SPOCK3: variants seen among roughly 807,000 people sequenced by gnomAD.
The protein encoded by SPOCK3 is testican-3.
In SPOCK3, 30 loss-of-function variants were observed where a neutral mutation model predicts 56.6. That is an observed-to-expected ratio of 0.53 (90% CI 0.40 to 0.72). The LOEUF is 0.72. SPOCK3 is among the 30% of genes least tolerant of loss of function. The pLI, the probability that SPOCK3 is intolerant of heterozygous loss-of-function variation, is 0.00. For synonymous variants in SPOCK3, 196 were observed against 183.3 expected (o/e 1.07, Z -0.56); for missense variants, 527 against 530.0 (o/e 0.99, Z 0.06).
At chr4:166,773,314 G>T (rs1258531383) in intron 7 of SPOCK3, among the ~76,000 whole-genome samples, 1 of 152,124 alleles carries the variant, frequency 6.6e-6, no homozygotes, top group African/African-American at 2.4e-5. Context: ...TGTTGCAAAA[G>T]TCAAGTAATT....
intron 9 of SPOCK3, 66 bp from the exon 10 acceptor site, chr4:166,737,670 C>A: frequency 2.7e-6 from 4 of 1,505,898 alleles, no homozygotes; most frequent in Non-Finnish European, 3.6e-6. Context: ...GTGCTCCTTT[C>A]TGAGAAGCAC....
intron 4 of SPOCK3, among the ~76,000 whole-genome samples, chr4:166,926,241 G>A (rs1214346339): frequency 6.6e-6 from 1 of 152,040 alleles, no homozygotes; most frequent in Non-Finnish European, 1.5e-5. Context: ...TATAGAACAT[G>A]AGAAAAAATT....
At chr4:166,741,735 A>T (rs1002892807) in intron 9 of SPOCK3, among the ~76,000 whole-genome samples, 12 of 152,208 alleles carry the variant, frequency 7.9e-5, no homozygotes, top group Non-Finnish European at 1.0e-4. Flanking sequence ...CTGATGTTTT[A>T]ACTTTAGCAT....
At chr4:167,017,173 G>C (rs541711119) in intron 3 of SPOCK3, among the ~76,000 whole-genome samples, 1 of 152,050 alleles carries the variant, frequency 6.6e-6, no homozygotes, top group East Asian at 1.9e-4. Context: ...GGCAATGCTC[G>C]GAAGAGTGAG....
intron 3 of SPOCK3, among the ~76,000 whole-genome samples, chr4:167,013,979 T>C (rs35404060): frequency 0.024 from 3,611 of 152,278 alleles, 76 homozygotes; most frequent in Middle Eastern, 0.061. Context: ...AAGATGTGTA[T>C]GTAACTTTGA....
intron 3 of SPOCK3, among the ~76,000 whole-genome samples, chr4:167,006,947 A>C (rs1384320481): frequency 1.3e-5 from 2 of 152,220 alleles, no homozygotes; most frequent in East Asian, 1.9e-4. Context: ...CTTTGGGTAA[A>C]TATGCTGTCA....
chr4:166,826,935 A>G (rs1745542403), intron 6 of SPOCK3, among the ~76,000 whole-genome samples: 1 of 152,118 alleles, frequency 6.6e-6, no homozygotes, highest in African/African-American at 2.4e-5. Flanking sequence ...GAATGAGACT[A>G]AGACAAAACT....
intron 4 of SPOCK3, among the ~76,000 whole-genome samples, chr4:166,987,765 A>G (rs1747324602): frequency 6.6e-6 from 1 of 152,216 alleles, no homozygotes; most frequent in Admixed American, 6.5e-5. Flanking sequence ...TAGAGCAGGT[A>G]AAAATTTCTA....
chr4:167,109,653 T>G, intron 2 of SPOCK3, among the ~76,000 whole-genome samples: 1 of 147,152 alleles, frequency 6.8e-6, no homozygotes, highest in East Asian at 2.0e-4. Context: ...CTCTTGGTCT[T>G]ACTTGTTTTA....
chr4:167,160,531 G>GA (rs1458520179), intron 2 of SPOCK3, among the ~76,000 whole-genome samples: 3 of 151,844 alleles, frequency 2.0e-5, no homozygotes, highest in Non-Finnish European at 2.9e-5. Flanking sequence ...CACAGAATTG[G>GA]AAAAAACTAC....
At chr4:167,161,809 A>G (rs1346959067) in intron 2 of SPOCK3, among the ~76,000 whole-genome samples, 1 of 146,060 alleles carries the variant, frequency 6.8e-6, no homozygotes, top group East Asian at 2.2e-4. Context: ...CAAACACTGC[A>G]TGTTCTCACT....
At chr4:166,903,581 T>A (rs1044060463) in intron 5 of SPOCK3, among the ~76,000 whole-genome samples, 2 of 152,120 alleles carry the variant, frequency 1.3e-5, no homozygotes, top group Admixed American at 6.6e-5. Flanking sequence ...TGTGCTTTCA[T>A]ATCGAGCCTA....
chr4:166,791,636 T>C (rs1443439619), intron 7 of SPOCK3, among the ~76,000 whole-genome samples: 5 of 152,178 alleles, frequency 3.3e-5, no homozygotes, highest in African/African-American at 1.2e-4. Context: ...TTAAAAAAAC[T>C]TTTAGAGAAT....
At chr4:166,934,977 C>T (rs1053843274) in intron 4 of SPOCK3, among the ~76,000 whole-genome samples, 1 of 151,876 alleles carries the variant, frequency 6.6e-6, no homozygotes, top group African/African-American at 2.4e-5. Flanking sequence ...TTAGAGGAAA[C>T]TGTGAGTAAA....
intron 4 of SPOCK3, among the ~76,000 whole-genome samples, chr4:166,925,261 T>C (rs1738954318): frequency 6.6e-6 from 1 of 152,126 alleles, no homozygotes. Context: ...CCCAACTCTT[T>C]GAAAATACAA....
chr4:166,802,035 C>A (rs1742656311), intron 6 of SPOCK3, among the ~76,000 whole-genome samples: 1 of 151,776 alleles, frequency 6.6e-6, no homozygotes, highest in African/African-American at 2.4e-5. Context: ...CGACACAGAG[C>A]CAAGTCAGAA....
chr4:167,145,148 A>T (rs536527947), intron 2 of SPOCK3, among the ~76,000 whole-genome samples: 1 of 152,168 alleles, frequency 6.6e-6, no homozygotes, highest in South Asian at 2.1e-4. Context: ...ATTTACTGAT[A>T]GATTGAATAT....
chr4:166,977,768 AC>A (rs1746117776), intron 4 of SPOCK3, among the ~76,000 whole-genome samples: 1 of 152,116 alleles, frequency 6.6e-6, no homozygotes, highest in Non-Finnish European at 1.5e-5. Context: ...ATAGTCACTA[AC>A]TTTTTTTCTG....
chr4:166,875,687 T>C (rs1484961519), intron 6 of SPOCK3, among the ~76,000 whole-genome samples: 2 of 152,122 alleles, frequency 1.3e-5, no homozygotes, highest in Non-Finnish European at 2.9e-5. Flanking sequence ...GGACATAAAC[T>C]AGGAGCGGAA....
Sources: allele counts gnomAD v4.1 joint callset (sites outside exome capture counted in the v4.1 genomes callset), GRCh38; gene constraint gnomAD v4.1.1; transcripts MANE v1.5; gene names NCBI Gene and HGNC (gene_info 2026-07-23, HGNC 2026-07-21).